The following CD248 variants were observed in gnomAD, a reference collection of about 807,000 sequenced individuals.
CD248 encodes endosialin.
Under a neutral mutation model 8.0 loss-of-function variants are expected in CD248, and 7 were observed. The ratio of observed to expected loss-of-function variants is 0.88; its 90% CI spans 0.50 to 1.64. The LOEUF is 1.64. Among genes scored for constraint, CD248 ranks in the 40% most tolerant of loss-of-function variants. CD248 has a pLI of 0.00. For synonymous variants in CD248, 418 were observed against 437.1 expected, an observed-to-expected ratio of 0.96 and a Z score of 0.54; for missense variants, 912 against 1,027.2, an observed-to-expected ratio of 0.89 and a Z score of 1.53.
chr11:66,316,115 C>A lies in CD248; in HGVS notation c.913G>T (p.Asp305Tyr). ...GTGTCCACACAGCGGTGCGGATCAT[C>A]CTCCGCTGGCCGGAAACCCAGGCGA... is the stretch of plus-strand genomic sequence containing the variant. The part of the protein sequence containing the change: ...HCRLGFRPAE[D>Y]DPHRCVDTDE... Residue 305 changes from aspartate to tyrosine, a missense_variant, in exon 1 of 1, where the codon GAT becomes TAT. By Grantham distance (160) the Asp-to-Tyr change is radical (BLOSUM62 -3). Transcript: ENST00000311330. The A allele has an allele frequency of 1.9e-6, 3 of 1,613,488 alleles. No individual in the cohort carries two copies. The highest frequency in any genetic ancestry group is 2.5e-6 in the Non-Finnish European group (3 of 1,180,036).
chr11:66,314,652 G>T lies in CD248; in HGVS notation c.*102C>A. 2 of 982,390 alleles carry T rather than the reference G, an allele frequency of 2.0e-6. No homozygotes were observed. The highest frequency in any genetic ancestry group is 3.0e-6 in the Non-Finnish European group (2 of 677,188). 60.9% of individuals were successfully genotyped at this position (982,390 alleles called of 1,614,324 possible). Reference sequence around the variant, plus strand: ...AGAGGACCCTGGCTGGGCCTGGGGAGCAGGAAGCCATCTGTCCAGCTGGGC... The same window carrying T: ...AGAGGACCCTGGCTGGGCCTGGGGATCAGGAAGCCATCTGTCCAGCTGGGC... On this transcript the variant is annotated 3_prime_UTR_variant, in exon 1 of 1. Transcript: ENST00000311330. The surrounding 1 kb of genome is among the most constrained non-coding windows in gnomAD (Gnocchi z 4.0).
Position 66,314,707 on chromosome 11 carries a change from G to A in CD248, c.*47C>T, listed in dbSNP as rs979199027. The stretch of plus-strand genomic sequence containing the variant: ...CCCATGGGTCCCTGGTGCAGCCCCG[G>A]CCATGTGTCCAGCGCCCCATACTCC... On this transcript the variant is annotated 3_prime_UTR_variant, in exon 1 of 1. Transcript: ENST00000311330. This position sits in a 1 kb window ranked among gnomAD's most constrained non-coding sequence, Gnocchi z 4.0. The A allele has an allele frequency of 2.3e-5, 34 of 1,478,516 alleles. No homozygotes were observed. The highest frequency in any genetic ancestry group is 2.9e-5 in the Non-Finnish European group (32 of 1,095,568). 91.6% of individuals were successfully genotyped at this position (1,478,516 alleles called of 1,614,324 possible). A position where few individuals can be genotyped will look rare whatever the true frequency, so the allele number is the denominator to read the frequency against.
At position 66,315,571 on chromosome 11, in the gene CD248, G is replaced by A. The variant is rs1054620304; in HGVS notation, c.1457C>T (p.Ala486Val). 3.7e-6 allele frequency: 6 copies of A among 1,613,966 alleles called. No homozygotes were observed. The highest frequency in any genetic ancestry group is 1.7e-5 in the Admixed American group (1 of 60,014). The change falls in exon 1 of 1, where the codon GCA becomes GTA. Residue 486 changes from alanine to valine, a missense_variant. Coordinates refer to ENST00000311330, the MANE Select transcript of CD248 (RefSeq NM_020404.3). This position sits in a 1 kb window ranked among gnomAD's most constrained non-coding sequence, Gnocchi z 4.3. ...LSRDHQIPVI[A>V]ANYPDLPSAY... Reference sequence around the variant, plus strand: ...AGAAGGCAGATCTGGATAGTTGGCTGCGATCACGGGGATCTGGTGGTCACG... The same window carrying A: ...AGAAGGCAGATCTGGATAGTTGGCTACGATCACGGGGATCTGGTGGTCACG...
At position 66,316,763 on chromosome 11, in the gene CD248, G is replaced by A. The variant is rs768897237; in HGVS notation, c.265C>T (p.Arg89Trp). Reference protein sequence around the residue: ...ASRLLWIGLQRQARQCQLQRP... With the variant: ...ASRLLWIGLQWQARQCQLQRP... The stretch of plus-strand genomic sequence containing the variant: ...TGCAGCTGGCATTGCCGGGCCTGCC[G>A]CTGCAGCCCGATCCACAGCAGCCGG... Residue 89 changes from arginine to tryptophan, a missense_variant, in exon 1 of 1, where the codon CGG (arginine) becomes TGG (tryptophan). Physicochemically the swap from Arg to Trp is moderately radical, Grantham distance 101 (BLOSUM62 -3). Transcript: ENST00000311330. The A allele has an allele frequency of 3.8e-6, 6 of 1,598,908 alleles. No homozygotes were observed. Among genetic ancestry groups the A allele is most frequent in the South Asian group, 1.1e-5 (1 of 90,908 alleles).
chr11:66,316,672 T>C lies in CD248; in HGVS notation c.356A>G (p.Gln119Arg). The C allele has an allele frequency of 6.2e-7, 1 of 1,606,548 alleles. No homozygotes were observed. Among genetic ancestry groups the C allele is most frequent in the Non-Finnish European group, 8.5e-7 (1 of 1,179,328 alleles). Residue 119 changes from glutamine to arginine, a missense_variant, in exon 1 of 1, where the codon CAG (glutamine) becomes CGG (arginine). Physicochemically the swap from Gln to Arg is conservative, Grantham distance 43. Transcript: ENST00000311330. ...CGGGCAGGGGCCTCCAGAGGCTGGC[T>C]GGGCCCAGTTGGTGAAAGCCGTGTC... is the stretch of plus-strand genomic sequence containing the variant. ...DQDTAFTNWA[Q>R]PASGGPCPAQ...
rs1189145994 is a variant in CD248, at chr11:66,315,965, C to A, written c.1063G>T (p.Ala355Ser). 1.9e-6 allele frequency: 3 copies of A among 1,613,340 alleles called. No individual in the cohort carries two copies. Among genetic ancestry groups the A allele is most frequent in the Non-Finnish European group, 2.5e-6 (3 of 1,180,024 alleles). ...TCCTGGGAAGCCTGGGCACCCATGGCCCCTGCAGGGCTGCAGCTGATGCCA... is the reference window on the plus strand; with the variant it reads ...TCCTGGGAAGCCTGGGCACCCATGGACCCTGCAGGGCTGCAGCTGATGCCA... ...ADGISCSPAG[A>S]MGAQASQDLG... Residue 355 changes from alanine to serine, a missense_variant, in exon 1 of 1, where the codon GCC (alanine) becomes TCC (serine). This residue lies in a region of CD248 where 507 missense variants were observed against 562.2 expected (regional missense o/e 0.90). Transcript: ENST00000311330. This position sits in a 1 kb window ranked among gnomAD's most constrained non-coding sequence, Gnocchi z 4.3.
At position 66,314,687 on chromosome 11, in the gene CD248, G is replaced by A; in HGVS notation, c.*67C>T. 1 of 1,377,008 alleles carries A rather than the reference G, an allele frequency of 7.3e-7. No individual in the cohort carries two copies. The highest frequency in any genetic ancestry group is 1.4e-5 in the South Asian group (1 of 72,738). 85.3% of individuals were successfully genotyped at this position (1,377,008 alleles called of 1,614,324 possible). A position where few individuals can be genotyped will look rare whatever the true frequency, so the allele number is the denominator to read the frequency against. Reference sequence around the variant, plus strand: ...ATCTGTCCAGCTGGGCAGCCCCCATGGGTCCCTGGTGCAGCCCCGGCCATG... The same window carrying A: ...ATCTGTCCAGCTGGGCAGCCCCCATAGGTCCCTGGTGCAGCCCCGGCCATG... On this transcript the variant is annotated 3_prime_UTR_variant, in exon 1 of 1. Transcript: ENST00000311330. This position sits in a 1 kb window ranked among gnomAD's most constrained non-coding sequence, Gnocchi z 4.0.
chr11:66,316,354 C>G lies in CD248; in HGVS notation c.674G>C (p.Arg225Pro). 6.2e-7 allele frequency: 1 copy of G among 1,612,502 alleles called. No homozygotes were observed. Among genetic ancestry groups the G allele is most frequent in the South Asian group, 1.1e-5 (1 of 91,080 alleles). The change falls in exon 1 of 1, where the codon CGG (arginine) becomes CCG (proline). Residue 225 changes from arginine (R) to proline (P), a missense_variant. Coordinates refer to ENST00000311330, the MANE Select transcript of CD248 (RefSeq NM_020404.3). Reference protein sequence around the residue: ...KQPEGGVGWSRAGPLCLGTGC... With the variant: ...KQPEGGVGWSPAGPLCLGTGC... ...AGTCCCCAGGCACAGGGGCCCAGCCCGTGACCAGCCCACACCTCCCTCAGG... is the reference window on the plus strand; with the variant it reads ...AGTCCCCAGGCACAGGGGCCCAGCCGGTGACCAGCCCACACCTCCCTCAGG...
chr11:66,316,250 C>T lies in CD248; in HGVS notation c.778G>A (p.Glu260Lys). 1 of 1,613,638 alleles carries T rather than the reference C, an allele frequency of 6.2e-7. No individual in the cohort carries two copies. Among genetic ancestry groups the T allele is most frequent in the Non-Finnish European group, 8.5e-7 (1 of 1,179,948 alleles). ...CCGTCTGCTGCCAGCCGGAAGCCCT[C>T]AGTGCAGCGGCAGGACACGTGACCA... ...VDGHVSCRCT[E>K]GFRLAADGRS... The change falls in exon 1 of 1, where the codon GAG (glutamate) becomes AAG (lysine). Residue 260 changes from glutamate (E) to lysine (K), a missense_variant. Glu to Lys is a moderately conservative substitution (Grantham distance 56, BLOSUM62 1). This residue lies in a region of CD248 where 403 missense variants were observed against 446.2 expected (regional missense o/e 0.90). Transcript: ENST00000311330.
Position 66,315,043 on chromosome 11 carries a change from G to A in CD248, c.1985C>T (p.Pro662Leu). The A allele has an allele frequency of 2.5e-6, 4 of 1,588,962 alleles. No individual in the cohort carries two copies. Among genetic ancestry groups the A allele is most frequent in the Non-Finnish European group, 3.4e-6 (4 of 1,166,244 alleles). The change falls in exon 1 of 1, where the codon CCA becomes CTA. Residue 662 changes from proline (P) to leucine (L), a missense_variant. Around this residue, in one of 3 missense-constraint regions of CD248, gnomAD observed 507 missense variants for 562.2 expected, o/e 0.90. Transcript: ENST00000311330. This position sits in a 1 kb window ranked among gnomAD's most constrained non-coding sequence, Gnocchi z 4.3. ...SPKLALWLPS[P>L]APTAAPTALG... ...GGCTGTTGGGGCTGCTGTGGGAGCT[G>A]GTGAGGGCAGCCACAGGGCCAACTT...
chr11:66,315,993 A>G lies in CD248; in HGVS notation c.1035T>C (p.Ala345=), dbSNP rs527596561. 4.6e-5 allele frequency: 74 copies of G among 1,613,562 alleles called. No homozygotes were observed. In the East Asian group the frequency reaches 1.6e-3, roughly 34 times the overall value. ...CYCSEGHELE[A]DGISCSPAGA... is the part of the protein sequence containing the mutation. ...CTGCAGGGCTGCAGCTGATGCCATC[A>G]GCCTCCAGCTCATGTCCCTCGCTAC... Residue 345 remains alanine (A), a synonymous_variant, in exon 1 of 1, where the codon GCT becomes GCC. Transcript: ENST00000311330. The surrounding 1 kb of genome is among the most constrained non-coding windows in gnomAD (Gnocchi z 4.3).
At position 66,316,209 on chromosome 11, in the gene CD248, G is replaced by C; in HGVS notation, c.819C>G (p.Asp273Glu). The C allele has an allele frequency of 4.3e-6, 7 of 1,613,026 alleles. No homozygotes were observed. Among genetic ancestry groups the C allele is most frequent in the Non-Finnish European group, 5.9e-6 (7 of 1,179,954 alleles). Reference protein sequence around the residue: ...RLAADGRSCEDPCAQAPCEQQ... With the variant: ...RLAADGRSCEEPCAQAPCEQQ... The stretch of plus-strand genomic sequence containing the variant: ...GCTCGCACGGAGCCTGGGCACAGGG[G>C]TCCTCGCAACTGCGCCCGTCTGCTG... Residue 273 changes from aspartate (D) to glutamate (E), a missense_variant, in exon 1 of 1, where the codon GAC becomes GAG. Physicochemically the swap from Asp to Glu is conservative, Grantham distance 45 (BLOSUM62 2). Around this residue, in one of 3 missense-constraint regions of CD248, gnomAD observed 403 missense variants for 446.2 expected, o/e 0.90. Transcript: ENST00000311330.
At position 66,314,748 on chromosome 11, in the gene CD248, AC is replaced by A; in HGVS notation, c.*5del. On this transcript the variant is annotated 3_prime_UTR_variant, in exon 1 of 1. Coordinates refer to ENST00000311330, the MANE Select transcript of CD248 (RefSeq NM_020404.3). The surrounding 1 kb of genome is among the most constrained non-coding windows in gnomAD (Gnocchi z 4.0). ...CCCATACTCCATGAGGGGGGTCTGC[AC>A]CCCATCACACGCTGGTTCTGCAGGT... The A allele has an allele frequency of 6.5e-7, 1 of 1,547,260 alleles. No homozygotes were observed. Among genetic ancestry groups the A allele is most frequent in the African/African-American group, 1.4e-5 (1 of 73,064 alleles).
Position 66,315,010 on chromosome 11 carries a change from T to C in CD248, c.2018A>G (p.Glu673Gly), listed in dbSNP as rs765167226. Reference sequence around the variant, plus strand: ...CTGGCTGTGCTCGGCAAGACCAGCCTCCCCCAGGGCTGTTGGGGCTGCTGT... The same window carrying C: ...CTGGCTGTGCTCGGCAAGACCAGCCCCCCCCAGGGCTGTTGGGGCTGCTGT... ...APTAAPTALG[E>G]AGLAEHSQRD... Residue 673 changes from glutamate to glycine, a missense_variant, in exon 1 of 1, where the codon GAG becomes GGG. Physicochemically the swap from Glu to Gly is moderately conservative, Grantham distance 98 (BLOSUM62 -2). Transcript: ENST00000311330. This position sits in a 1 kb window ranked among gnomAD's most constrained non-coding sequence, Gnocchi z 4.3. 2 of 1,608,558 alleles carry C rather than the reference T, an allele frequency of 1.2e-6. No individual in the cohort carries two copies. The highest frequency in any genetic ancestry group is 1.7e-5 in the Admixed American group (1 of 59,870).
chr11:66,315,965 C>G lies in CD248; in HGVS notation c.1063G>C (p.Ala355Pro). The G allele has an allele frequency of 6.2e-7, 1 of 1,613,340 alleles. No individual in the cohort carries two copies. The highest frequency in any genetic ancestry group is 2.2e-5 in the East Asian group (1 of 44,884). The change falls in exon 1 of 1, where the codon GCC becomes CCC. Residue 355 changes from alanine (A) to proline (P), a missense_variant. Ala to Pro is a conservative substitution (Grantham distance 27, BLOSUM62 -1). Around this residue, in one of 3 missense-constraint regions of CD248, gnomAD observed 507 missense variants for 562.2 expected, o/e 0.90. Transcript: ENST00000311330. This position sits in a 1 kb window ranked among gnomAD's most constrained non-coding sequence, Gnocchi z 4.3. ...TCCTGGGAAGCCTGGGCACCCATGG[C>G]CCCTGCAGGGCTGCAGCTGATGCCA... ...ADGISCSPAG[A>P]MGAQASQDLG...
At position 66,314,630 on chromosome 11, in the gene CD248, G is replaced by A. The variant is rs1854521123; in HGVS notation, c.*124C>T. On this transcript the variant is annotated 3_prime_UTR_variant, in exon 1 of 1. Transcript: ENST00000311330. The surrounding 1 kb of genome is among the most constrained non-coding windows in gnomAD (Gnocchi z 4.0). ...AGAGCCAAGTCTAGTGGTTGAGAGA[G>A]GACCCTGGCTGGGCCTGGGGAGCAG... 2 of 767,566 alleles carry A rather than the reference G, an allele frequency of 2.6e-6. No individual in the cohort carries two copies. The highest frequency in any genetic ancestry group is 4.1e-6 in the Non-Finnish European group (2 of 487,460). The allele number at this position is 767,566 out of a possible 1,614,324, so 47.5% of individuals were successfully genotyped here. A position where few individuals can be genotyped will look rare whatever the true frequency, so the allele number is the denominator to read the frequency against.
At position 66,316,806 on chromosome 11, in the gene CD248, C is replaced by T. The variant is rs1854556768; in HGVS notation, c.222G>A (p.Val74=). ...GCAGCCGGCTGGCTGGGCCCGCACC[C>T]ACCAGGCTGTCCACACGCTGGGCCT... ...PEEAQRVDSL[V]GAGPASRLLW... The change falls in exon 1 of 1, where the codon GTG becomes GTA. Residue 74 remains valine (V), a synonymous_variant. Coordinates refer to ENST00000311330, the MANE Select transcript of CD248 (RefSeq NM_020404.3). 1.3e-6 allele frequency: 2 copies of T among 1,585,682 alleles called. No individual in the cohort carries two copies. Among genetic ancestry groups the T allele is most frequent in the African/African-American group, 2.7e-5 (2 of 74,390 alleles).
chr11:66,315,205 A>G lies in CD248; in HGVS notation c.1823T>C (p.Val608Ala). The G allele has an allele frequency of 6.5e-7, 1 of 1,528,678 alleles. No homozygotes were observed. Among genetic ancestry groups the G allele is most frequent in the East Asian group, 2.3e-5 (1 of 44,254 alleles). 94.7% of individuals were successfully genotyped at this position (1,528,678 alleles called of 1,614,324 possible). The change falls in exon 1 of 1, where the codon GTG (valine) becomes GCG (alanine). Residue 608 changes from valine to alanine, a missense_variant. Transcript: ENST00000311330. The surrounding 1 kb of genome is among the most constrained non-coding windows in gnomAD (Gnocchi z 4.3). ...GGCTGCGGGCTGGGTGGCAGCAGGC[A>G]CAGAGATTTGATGGGCAGGAGACAC... is the stretch of plus-strand genomic sequence containing the variant. ...SPVSPAHQISVPAATQPAALP... is the reference protein window; with the variant it reads ...SPVSPAHQISAPAATQPAALP...
At position 66,316,387 on chromosome 11, in the gene CD248, A is replaced by G. The variant is rs1281666942; in HGVS notation, c.641T>C (p.Val214Ala). The G allele has an allele frequency of 1.2e-6, 2 of 1,609,820 alleles. No individual in the cohort carries two copies. Among genetic ancestry groups the G allele is most frequent in the African/African-American group, 1.3e-5 (1 of 74,926 alleles). ...GCCCACACCTCCCTCAGGCTGCTTC[A>G]CGCAGAGCAGAGAGGCTCCCCTGCC... ...QAGRGASLLC[V>A]KQPEGGVGWS... Residue 214 changes from valine to alanine, a missense_variant, in exon 1 of 1, where the codon GTG becomes GCG. By Grantham distance (64) the Val-to-Ala change is moderately conservative. Coordinates refer to ENST00000311330, the MANE Select transcript of CD248 (RefSeq NM_020404.3).
Sources: allele counts gnomAD v4.1 joint callset, GRCh38; gene constraint gnomAD v4.1.1; regional missense constraint gnomAD v4.1.1; non-coding constraint Gnocchi (gnomAD v3.1); transcripts MANE v1.5; gene names NCBI Gene and HGNC (gene_info 2026-07-23, HGNC 2026-07-21).